The following CEP128 variants were observed in gnomAD, a reference collection of about 807,000 sequenced individuals.
CEP128 encodes centrosomal protein 128kDa.
A neutral mutation model predicts 156.7 loss-of-function variants in CEP128; 132 were observed. That is an observed-to-expected ratio of 0.84 (90% CI 0.73 to 0.97). The LOEUF (loss-of-function observed/expected upper bound fraction) is 0.97, where lower values mean the gene tolerates loss of function less well. Ranked by LOEUF, CEP128 falls within the 50% of genes least tolerant of loss-of-function variation. The probability of loss-of-function intolerance (pLI) is 0.00; values close to 1 mark genes in which losing one functional copy is unlikely to be tolerated. For missense variants in CEP128, 1,252 were observed against 1,281.9 expected (o/e 0.98, Z 0.36); for synonymous variants, 469 against 448.9 (o/e 1.04, Z -0.57).
rs571295990 is a variant in CEP128, at chr14:80,836,984, T to C, written c.925-647A>G. Among the ~76,000 whole-genome samples the C allele has an allele frequency of 3.9e-5, 6 of 152,324 alleles. No individual in the cohort carries two copies. The East Asian group carries it at 1.2e-3, about 29-fold the overall frequency. The stretch of plus-strand genomic sequence containing the variant: ...ATAACTGAAACTGGAGATTATAAGT[T>C]AGAGTTCCAAACAAATCAGAACGGA... On this transcript the variant is annotated intron_variant, in intron 11 of 24. Transcript: ENST00000555265.
chr14:80,623,174 T>C (rs942354555), intron 19 of CEP128, among the ~76,000 whole-genome samples: 14 of 151,652 alleles, frequency 9.2e-5, no homozygotes, highest in African/African-American at 2.2e-4. Context: ...ATGGATGAAA[T>C]TGGAAATCAT....
At chr14:80,774,077 T>A (rs1566906424) in intron 16 of CEP128, among the ~76,000 whole-genome samples, 1 of 152,144 alleles carries the variant, frequency 6.6e-6, no homozygotes, top group Non-Finnish European at 1.5e-5. Context: ...ATACCATATA[T>A]CACCACTGAA....
At chr14:80,765,875 T>C (rs1261899642) in intron 16 of CEP128, among the ~76,000 whole-genome samples, 2 of 152,200 alleles carry the variant, frequency 1.3e-5, no homozygotes, top group Non-Finnish European at 2.9e-5. Context: ...GTCTTCTCTC[T>C]TAAAATGCTA....
intron 16 of CEP128, among the ~76,000 whole-genome samples, chr14:80,774,867 T>C (rs327480): frequency 0.013 from 1,995 of 152,342 alleles, 52 homozygotes; most frequent in African/African-American, 0.046. Flanking sequence ...TTCACATGTG[T>C]GCCTCCTCTG....
intron 7 of CEP128, among the ~76,000 whole-genome samples, chr14:80,896,371 C>T (rs1811177658): frequency 6.6e-6 from 1 of 152,204 alleles, no homozygotes; most frequent in South Asian, 2.1e-4. Flanking sequence ...CACTGTCTTA[C>T]TTCTGGCTGC....
intron 19 of CEP128, among the ~76,000 whole-genome samples, chr14:80,727,575 C>T (rs989419384): frequency 6.6e-6 from 1 of 152,066 alleles, no homozygotes; most frequent in Non-Finnish European, 1.5e-5. Flanking sequence ...AAGAAACTAT[C>T]AACAAACAGA....
At chr14:80,724,133 T>C (rs1804315009) in intron 19 of CEP128, among the ~76,000 whole-genome samples, 1 of 152,216 alleles carries the variant, frequency 6.6e-6, no homozygotes, top group Non-Finnish European at 1.5e-5. Flanking sequence ...TTTGGCTTCC[T>C]CCTGACCCTT....
chr14:80,814,608 A>G (rs1884744754), intron 13 of CEP128, among the ~76,000 whole-genome samples: 2 of 152,220 alleles, frequency 1.3e-5, no homozygotes, highest in Non-Finnish European at 2.9e-5. Flanking sequence ...AAATCAACTC[A>G]ATGTAAGTCT....
intron 2 of CEP128, among the ~76,000 whole-genome samples, chr14:80,918,874 A>T (rs1031957477): frequency 2.0e-5 from 3 of 152,202 alleles, no homozygotes; most frequent in African/African-American, 7.2e-5. Context: ...CCCTGAAACA[A>T]ATCAATCCAC....
At chr14:80,880,905 A>ATTATTATT (rs1566689674) in intron 8 of CEP128, among the ~76,000 whole-genome samples, 3 of 101,696 alleles carry the variant, frequency 2.9e-5, no homozygotes, top group African/African-American at 1.1e-4. Flanking sequence ...TAATAATAAT[A>ATTATTATT]ATAATTTCAG....
chr14:80,505,124 T>C (rs996698036), intron 23 of CEP128, 104 bp from the exon 24 acceptor site: 20 of 423,756 alleles, frequency 4.7e-5, no homozygotes, highest in African/African-American at 3.9e-4. Context: ...ACAAGCTATG[T>C]TGTACATGCA....
In CEP128 at chr14:80,814,927, G is replaced by A. The variant is rs542772463; in HGVS notation, c.1209+16216C>T. Reference sequence around the variant, plus strand: ...CAAAAAATTAGCCAGAAGTGGTGGCGCTCACCTGTAATCCCTGCTACTCAG... The same window carrying A: ...CAAAAAATTAGCCAGAAGTGGTGGCACTCACCTGTAATCCCTGCTACTCAG... On this transcript the variant is annotated intron_variant, in intron 13 of 24. Coordinates refer to ENST00000555265, the MANE Select transcript of CEP128 (RefSeq NM_152446.5). Among the ~76,000 whole-genome samples the A allele has an allele frequency of 8.5e-5, 13 of 152,168 alleles. No individual in the cohort carries two copies. In the East Asian group the frequency reaches 1.2e-3, roughly 14 times the overall value.
intron 23 of CEP128, among the ~76,000 whole-genome samples, chr14:80,516,752 C>A (rs969276213): frequency 1.3e-5 from 2 of 152,144 alleles, no homozygotes; most frequent in Non-Finnish European, 2.9e-5. Context: ...GTTCCACAAT[C>A]ACTGTTCTCT....
chr14:80,510,213 G>A (rs1046527927), intron 23 of CEP128, among the ~76,000 whole-genome samples: 1 of 152,070 alleles, frequency 6.6e-6, no homozygotes, highest in Non-Finnish European at 1.5e-5. Context: ...GCTTTGGGTA[G>A]TATGGACATT....
At chr14:80,786,620 T>C (rs1201136574) in intron 14 of CEP128, among the ~76,000 whole-genome samples, 1 of 152,174 alleles carries the variant, frequency 6.6e-6, no homozygotes. Context: ...AGAAGTGAAT[T>C]TGATTTTCAG....
chr14:80,556,419 T>C (rs1238410238), intron 21 of CEP128, among the ~76,000 whole-genome samples: 1 of 152,160 alleles, frequency 6.6e-6, no homozygotes, highest in East Asian at 1.9e-4. Context: ...GATTGTCTAC[T>C]ATATATCAAA....
At chr14:80,640,192 T>C (rs1017501212) in intron 19 of CEP128, among the ~76,000 whole-genome samples, 8 of 152,166 alleles carry the variant, frequency 5.3e-5, no homozygotes, top group African/African-American at 1.9e-4. Context: ...GGACACACTC[T>C]CATCTTTCTT....
intron 21 of CEP128, among the ~76,000 whole-genome samples, chr14:80,539,036 G>A (rs933434122): frequency 1.2e-4 from 18 of 152,202 alleles, no homozygotes; most frequent in Non-Finnish European, 2.2e-4. Context: ...CAAATACTAC[G>A]TAAACAAATG....
intron 2 of CEP128, among the ~76,000 whole-genome samples, chr14:80,919,585 G>A (rs1002784821): frequency 1.3e-5 from 2 of 151,962 alleles, no homozygotes; most frequent in African/African-American, 4.8e-5. Flanking sequence ...ATAGGCATGG[G>A]TACCTCAAAG....
Sources: allele counts gnomAD v4.1 joint callset (sites outside exome capture counted in the v4.1 genomes callset), GRCh38; gene constraint gnomAD v4.1.1; transcripts MANE v1.5; gene names NCBI Gene and HGNC (gene_info 2026-07-23, HGNC 2026-07-21).